The following MAP3K9 variants were observed in gnomAD, a reference collection of about 807,000 sequenced individuals.
The protein encoded by MAP3K9 is mixed lineage kinase 1 (tyr and ser/thr specificity).
A neutral mutation model predicts 95.8 loss-of-function variants in MAP3K9; 46 were observed. The observed-to-expected ratio is 0.48, with a 90% CI of 0.38 to 0.61. The LOEUF (loss-of-function observed/expected upper bound fraction) is 0.61. MAP3K9 is among the 20% of genes least tolerant of loss of function. MAP3K9 has a pLI of 0.00. For missense variants in MAP3K9, 1,296 were observed against 1,474.3 expected (o/e 0.88, Z 1.98); for synonymous variants, 533 against 593.8 (o/e 0.90, Z 1.49).
intron 1 of MAP3K9, among the ~76,000 whole-genome samples, chr14:70,805,756 T>C (rs1415262396): frequency 1.3e-5 from 2 of 151,942 alleles, no homozygotes; most frequent in Admixed American, 1.3e-4. Flanking sequence ...TCACCTCTGT[T>C]AAAAAAGTAA....
chr14:70,766,671 A>G (rs2054460150), intron 2 of MAP3K9, among the ~76,000 whole-genome samples: 1 of 152,184 alleles, frequency 6.6e-6, no homozygotes, highest in Non-Finnish European at 1.5e-5. Flanking sequence ...TCCAAACCAG[A>G]CACAGAAAGG....
At chr14:70,744,856 C>T (rs1358438451) in intron 5 of MAP3K9, among the ~76,000 whole-genome samples, 1 of 152,200 alleles carries the variant, frequency 6.6e-6, no homozygotes, top group African/African-American at 2.4e-5. Context: ...TTTGGAATTG[C>T]ATCTTGTGAC....
chr14:70,741,918 G>A (rs927664369), intron 6 of MAP3K9, among the ~76,000 whole-genome samples: 26 of 152,184 alleles, frequency 1.7e-4, no homozygotes, highest in Non-Finnish European at 2.9e-5. Context: ...TTGCACTCCA[G>A]CCTGGGCAAC....
chr14:70,808,029 C>A (rs1425458079), intron 1 of MAP3K9, among the ~76,000 whole-genome samples: 3 of 152,212 alleles, frequency 2.0e-5, no homozygotes, highest in African/African-American at 7.2e-5. Context: ...TGTCAAAGGA[C>A]TGGGATTCAG....
chr14:70,804,046 T>C (rs144825834), intron 1 of MAP3K9, among the ~76,000 whole-genome samples: 2 of 152,350 alleles, frequency 1.3e-5, no homozygotes, highest in African/African-American at 2.4e-5. Flanking sequence ...TGGAGAGGAA[T>C]GTTTCATAGC....
rs1348198850 is a variant in MAP3K9 at position 70,808,617 on chromosome 14, A to G, written c.406+149T>C. The G allele has an allele frequency of 7.8e-6, 4 of 513,912 alleles. 1 individual carries two copies. Among genetic ancestry groups the G allele is most frequent in the Admixed American group, 7.7e-5 (2 of 25,952 alleles). The allele number at this position is 513,912 out of a possible 1,614,324, so 31.8% of individuals were successfully genotyped here. A position where few individuals can be genotyped will look rare whatever the true frequency, so the allele number is the denominator to read the frequency against. ...CTTATCCAGCAAGCAAAGCCCGGGC[A>G]GCCTAAGCGCGCGCCACCCACACCC... On this transcript the variant is annotated intron_variant, in intron 1 of 11. Coordinates refer to ENST00000554752, the MANE Select transcript of MAP3K9 (RefSeq NM_001284230.2).
intron 2 of MAP3K9, among the ~76,000 whole-genome samples, chr14:70,778,183 A>G (rs575979180): frequency 1.3e-5 from 2 of 151,436 alleles, no homozygotes; most frequent in East Asian, 3.9e-4. Flanking sequence ...GCTCACTGCA[A>G]CCTCTGCCCC....
At chr14:70,745,058 T>G (rs1046654364) in intron 5 of MAP3K9, among the ~76,000 whole-genome samples, 11 of 152,154 alleles carry the variant, frequency 7.2e-5, no homozygotes, top group African/African-American at 1.4e-4. Context: ...CCTACAAAAT[T>G]TTTAAATCTA....
chr14:70,805,498 C>G (rs367631873), intron 1 of MAP3K9, among the ~76,000 whole-genome samples: 20 of 152,212 alleles, frequency 1.3e-4, no homozygotes, highest in African/African-American at 4.6e-4. Flanking sequence ...CATCCATAGA[C>G]AGCTAAACTC....
At chr14:70,798,124 C>T (rs2054884835) in intron 2 of MAP3K9, among the ~76,000 whole-genome samples, 1 of 152,284 alleles carries the variant, frequency 6.6e-6, no homozygotes, top group Admixed American at 6.5e-5. Context: ...AGGTCTCTTG[C>T]CCTCTCCTAC....
At chr14:70,760,758 T>C (rs2054362639) in intron 3 of MAP3K9, among the ~76,000 whole-genome samples, 2 of 152,258 alleles carry the variant, frequency 1.3e-5, no homozygotes, top group South Asian at 4.1e-4. Flanking sequence ...TGGCCTTTCC[T>C]AGGGAGCAAT....
intron 2 of MAP3K9, among the ~76,000 whole-genome samples, chr14:70,790,171 C>G (rs1263378626): frequency 6.6e-6 from 1 of 152,186 alleles, no homozygotes; most frequent in African/African-American, 2.4e-5. Context: ...ATGCCCTGAG[C>G]AGCAGTGGGG....
chr14:70,732,765 C>T lies in MAP3K9; in HGVS notation c.2604G>A (p.Glu868=). ...VVYEMPVSPV[E]APPLSPCTHN... ...GGGTACATGGACTCAGGGGAGGGGC[C>T]TCGACTGGGCTGACTGGCATCTCAT... Residue 868 remains glutamate, a synonymous_variant, in exon 11 of 12, where the codon GAG becomes GAA. Coordinates refer to ENST00000554752, the MANE Select transcript of MAP3K9 (RefSeq NM_001284230.2). 1 of 1,612,612 alleles carries T rather than the reference C, an allele frequency of 6.2e-7. No individual in the cohort carries two copies. Among genetic ancestry groups the T allele is most frequent in the Non-Finnish European group, 8.5e-7 (1 of 1,178,998 alleles).
chr14:70,740,341 G>A (rs2054052823), intron 6 of MAP3K9, among the ~76,000 whole-genome samples, 177 bp from the exon 7 acceptor site: 1 of 152,148 alleles, frequency 6.6e-6, no homozygotes, highest in Non-Finnish European at 1.5e-5. Flanking sequence ...AGGGACATGG[G>A]GAGATGAACG....
intron 1 of MAP3K9, among the ~76,000 whole-genome samples, chr14:70,802,930 C>T (rs1157555521): frequency 1.3e-5 from 2 of 152,088 alleles, no homozygotes; most frequent in African/African-American, 4.8e-5. Context: ...AATGTAAGCC[C>T]CAGTGCTGGC....
chr14:70,792,591 C>T (rs2054818379), intron 2 of MAP3K9, among the ~76,000 whole-genome samples: 1 of 152,240 alleles, frequency 6.6e-6, no homozygotes, highest in Non-Finnish European at 1.5e-5. Context: ...TACTCCTCAT[C>T]CTTTTTCGAG....
At chr14:70,746,227 C>T (rs1013236867) in intron 5 of MAP3K9, among the ~76,000 whole-genome samples, 2 of 152,206 alleles carry the variant, frequency 1.3e-5, no homozygotes, top group Non-Finnish European at 2.9e-5. Flanking sequence ...GGAACACAAA[C>T]CCCAGATGAC....
At chr14:70,753,166 C>T (rs548241457) in intron 3 of MAP3K9, among the ~76,000 whole-genome samples, 1 of 152,328 alleles carries the variant, frequency 6.6e-6, no homozygotes, top group East Asian at 1.9e-4. Flanking sequence ...GCAATACCGA[C>T]CTTACAGAAG....
intron 2 of MAP3K9, among the ~76,000 whole-genome samples, chr14:70,796,503 T>C (rs2054865846): frequency 6.6e-6 from 1 of 152,186 alleles, no homozygotes; most frequent in African/African-American, 2.4e-5. Context: ...TTAGCGGCAA[T>C]GCCCTTCCTT....
Sources: allele counts gnomAD v4.1 joint callset (sites outside exome capture counted in the v4.1 genomes callset), GRCh38; gene constraint gnomAD v4.1.1; transcripts MANE v1.5; gene names NCBI Gene and HGNC (gene_info 2026-07-23, HGNC 2026-07-21).